SERPINB7: variants seen among roughly 807,000 people sequenced by gnomAD.
SERPINB7 encodes the protein serpin family B member 7.
A neutral mutation model predicts 37.4 loss-of-function variants in SERPINB7; 31 were observed. The ratio of observed to expected loss-of-function variants is 0.83; its 90% confidence interval spans 0.62 to 1.12. The LOEUF (loss-of-function observed/expected upper bound fraction) is 1.12. Ranked by LOEUF, SERPINB7 falls within the 50% of genes most tolerant of loss-of-function variation. SERPINB7 has a pLI of 0.00. For missense variants in SERPINB7, 521 were observed against 455.3 expected (o/e 1.14, Z -1.31); for synonymous variants, 163 against 166.1 (o/e 0.98, Z 0.14).
chr18:63,756,185 C>T (rs891574338), intron 1 of SERPINB7, among the ~76,000 whole-genome samples: 7 of 152,082 alleles, frequency 4.6e-5, no homozygotes, highest in African/African-American at 1.7e-4. Context: ...TGCTTTTCCT[C>T]AATGTGCACA....
chr18:63,804,483 G>C lies in SERPINB7; in HGVS notation c.991G>C (p.Glu331Gln). 2 of 1,613,740 alleles carry C rather than the reference G, an allele frequency of 1.2e-6. No individual in the cohort carries two copies. The highest frequency in any genetic ancestry group is 1.7e-6 in the Non-Finnish European group (2 of 1,179,852). ...MMHKSYIEVTEEGTEATAATG... is the reference protein window; with the variant it reads ...MMHKSYIEVTQEGTEATAATG... The stretch of plus-strand genomic sequence containing the variant: ...GCACAAATCTTACATAGAGGTCACT[G>C]AGGAGGGCACCGAGGCTACTGCTGC... The change falls in exon 8 of 8, where the codon GAG (glutamate) becomes CAG (glutamine). Residue 331 changes from glutamate (E) to glutamine (Q), a missense_variant. Physicochemically the swap from Glu to Gln is conservative, Grantham distance 29 (BLOSUM62 2). Coordinates refer to ENST00000398019, the MANE Select transcript of SERPINB7 (RefSeq NM_003784.4).
chr18:63,797,711 T>A (rs552219315), intron 5 of SERPINB7, among the ~76,000 whole-genome samples: 1 of 152,298 alleles, frequency 6.6e-6, no homozygotes, highest in Non-Finnish European at 1.5e-5. Flanking sequence ...GCAAATCAGA[T>A]CCATCATGAC....
intron 1 of SERPINB7, among the ~76,000 whole-genome samples, chr18:63,780,003 T>C (rs1435528946): frequency 6.6e-6 from 1 of 152,146 alleles, no homozygotes; most frequent in Non-Finnish European, 1.5e-5. Flanking sequence ...CATTGGCCCG[T>C]GCAAGCAGGT....
chr18:63,804,409 A>ATC lies in SERPINB7; in HGVS notation c.923_924dup (p.Gly309LeufsTer14). The ATC allele has an allele frequency of 6.2e-7, 1 of 1,613,760 alleles. No individual in the cohort carries two copies. Among genetic ancestry groups the ATC allele is most frequent in the Non-Finnish European group, 8.5e-7 (1 of 1,179,846 alleles). On this transcript the variant is annotated frameshift_variant, in exon 8 of 8. Coordinates refer to ENST00000398019, the MANE Select transcript of SERPINB7 (RefSeq NM_003784.4). LOFTEE classifies it high-confidence loss of function. ...GATATCTTTGATGAATCCAAAGCAG[A>ATC]TCTCTCTGGGATTGCTTCGGGGGGT...
intron 1 of SERPINB7, among the ~76,000 whole-genome samples, chr18:63,762,378 G>A (rs970364156): frequency 6.6e-6 from 1 of 152,188 alleles, no homozygotes; most frequent in Non-Finnish European, 1.5e-5. Context: ...TATCTCTGCA[G>A]AGACAGTCTT....
intron 2 of SERPINB7, among the ~76,000 whole-genome samples, chr18:63,783,334 C>A (rs1409924487): frequency 1.3e-5 from 2 of 151,632 alleles, no homozygotes; most frequent in African/African-American, 4.9e-5. Context: ...AGTACTGAAT[C>A]AGAAACTATG....
chr18:63,768,930 T>C (rs772303358), intron 1 of SERPINB7, among the ~76,000 whole-genome samples: 4 of 152,114 alleles, frequency 2.6e-5, no homozygotes, highest in Non-Finnish European at 5.9e-5. Context: ...TTTGCTCTTC[T>C]AAAAAAAGGA....
At chr18:63,773,689 A>G (rs1348397978), upstream of SERPINB7, among the ~76,000 whole-genome samples, 3 of 152,168 alleles carry the variant, frequency 2.0e-5, no homozygotes, top group Non-Finnish European at 4.4e-5. Flanking sequence ...GGCAAGGCCA[A>G]TGGAAATTTG....
At chr18:63,764,874 C>A (rs2049172519) in intron 1 of SERPINB7, among the ~76,000 whole-genome samples, 1 of 152,084 alleles carries the variant, frequency 6.6e-6, no homozygotes, top group African/African-American at 2.4e-5. Context: ...ACAAAATCAA[C>A]TACCAGAAGA....
chr18:63,761,335 T>A (rs906036377), intron 1 of SERPINB7, among the ~76,000 whole-genome samples: 4 of 152,226 alleles, frequency 2.6e-5, no homozygotes, highest in Non-Finnish European at 5.9e-5. Flanking sequence ...CCAATTCCTG[T>A]GCCACCATTG....
At chr18:63,791,915 A>G (rs1414334419) in intron 2 of SERPINB7, among the ~76,000 whole-genome samples, 1 of 152,122 alleles carries the variant, frequency 6.6e-6, no homozygotes, top group Non-Finnish European at 1.5e-5. Flanking sequence ...CGGCCAGTCC[A>G]CAGGTATTCT....
intron 1 of SERPINB7, among the ~76,000 whole-genome samples, chr18:63,756,187 A>G (rs1332210267): frequency 6.6e-6 from 1 of 152,154 alleles, no homozygotes; most frequent in East Asian, 1.9e-4. Context: ...CTTTTCCTCA[A>G]TGTGCACAGG....
At chr18:63,765,590 A>G (rs1219689849) in intron 1 of SERPINB7, among the ~76,000 whole-genome samples, 1 of 152,134 alleles carries the variant, frequency 6.6e-6, no homozygotes, top group African/African-American at 2.4e-5. Flanking sequence ...TATAGCCTCT[A>G]CACAGTCCCT....
At chr18:63,798,880 A>G (rs1254435231) in intron 6 of SERPINB7, 134 bp downstream of exon 6, 21 of 898,544 alleles carry the variant, frequency 2.3e-5, no homozygotes, top group Non-Finnish European at 3.2e-5. Context: ...CCAATATCAT[A>G]TGGTCAGTTG....
chr18:63,797,150 T>C (rs1299551377), intron 5 of SERPINB7, among the ~76,000 whole-genome samples: 1 of 152,186 alleles, frequency 6.6e-6, no homozygotes, highest in Non-Finnish European at 1.5e-5. Flanking sequence ...ATTCCAAAGC[T>C]AGTAGTTGTT....
In SERPINB7 at chr18:63,786,862, G is replaced by C. The variant is rs115327186; in HGVS notation, c.168+4322G>C. ...AAGAATTGTGATAAACAAGCCCTTT[G>C]AAGTTTTATCTAATATTTATCACAC... On this transcript the variant is annotated intron_variant, in intron 2 of 7. Coordinates refer to ENST00000398019, the MANE Select transcript of SERPINB7 (RefSeq NM_003784.4). Among the ~76,000 whole-genome samples the C allele has an allele frequency of 4.7e-3, 714 of 152,270 alleles. 8 individuals are homozygous for C. The highest frequency in any genetic ancestry group is 0.017 in the African/African-American group (686 of 41,562).
chr18:63,769,715 A>G (rs143834560), intron 1 of SERPINB7, among the ~76,000 whole-genome samples: 39 of 152,260 alleles, frequency 2.6e-4, no homozygotes, highest in African/African-American at 9.1e-4. Context: ...CCAGCAGTCA[A>G]TCTGAAACTG....
In SERPINB7 at chr18:63,798,661, T is replaced by C; in HGVS notation, c.512T>C (p.Leu171Pro). 6.2e-7 allele frequency: 1 copy of C among 1,611,762 alleles called. No homozygotes were observed. Among genetic ancestry groups the C allele is most frequent in the Non-Finnish European group, 8.5e-7 (1 of 1,178,964 alleles). The change falls in exon 6 of 8, where the codon CTG becomes CCG. Residue 171 changes from leucine (L) to proline (P), a missense_variant. Transcript: ENST00000398019. ...GGISSSAVMV[L>P]VNAVYFKGKW... ...ATAAGCTCATCTGCTGTAATGGTGC[T>C]GGTGAATGCTGTGTACTTCAAAGGC...
chr18:63,789,891 G>C (rs1281283459), intron 2 of SERPINB7, among the ~76,000 whole-genome samples: 1 of 152,146 alleles, frequency 6.6e-6, no homozygotes, highest in Non-Finnish European at 1.5e-5. Flanking sequence ...TTTATCTAAA[G>C]ACTAAGAAAG....
Sources: gnomAD v4.1 joint callset for allele counts (sites outside exome capture counted in the v4.1 genomes callset) on GRCh38, gnomAD v4.1.1 for gene constraint, MANE v1.5 for transcripts, NCBI Gene and HGNC (gene_info 2026-07-23, HGNC 2026-07-21) for gene names.